The following ARHGAP44 variants were observed in gnomAD, a reference collection of about 807,000 sequenced individuals.
ARHGAP44 encodes Rho GTPase activating protein 44.
Under a neutral mutation model 106.8 loss-of-function variants are expected in ARHGAP44, and 43 were observed. That is an observed-to-expected ratio of 0.40 (90% CI 0.32 to 0.52). The LOEUF is 0.52. Among genes scored for constraint, ARHGAP44 ranks in the 20% least tolerant of loss-of-function variants. The probability of loss-of-function intolerance (pLI) is 0.48; values close to 1 mark genes in which losing one functional copy is unlikely to be tolerated. For missense variants in ARHGAP44, 866 were observed against 1,050.5 expected (o/e 0.82, Z 2.43); for synonymous variants, 439 against 410.3 (o/e 1.07, Z -0.85).
intron 8 of ARHGAP44, 104 bp downstream of exon 8, chr17:12,941,228 T>C (rs2038701027): frequency 1.9e-6 from 2 of 1,080,112 alleles, no homozygotes; most frequent in Admixed American, 4.5e-5. Flanking sequence ...TAGAAAAAGG[T>C]GGGAGCTTTG....
rs751813242 is a variant in ARHGAP44, at chr17:12,955,894, G to T, written c.1164G>T (p.Leu388=). Reference sequence around the variant, plus strand: ...ACTTGATAAAATTTTTATCCAAGCTGTCAGAATATCAAGATGTAAACAAGA... The same window carrying T: ...ACTTGATAAAATTTTTATCCAAGCTTTCAGAATATCAAGATGTAAACAAGA... The part of the protein sequence containing the change: ...IRYLIKFLSK[L]SEYQDVNKMT... The change falls in exon 14 of 21, where the codon CTG becomes CTT. Residue 388 remains leucine, a synonymous_variant. Coordinates refer to ENST00000379672, the MANE Select transcript of ARHGAP44 (RefSeq NM_014859.6). The T allele has an allele frequency of 1.2e-6, 2 of 1,613,448 alleles. No individual in the cohort carries two copies. Among genetic ancestry groups the T allele is most frequent in the Admixed American group, 3.3e-5 (2 of 59,952 alleles).
At chr17:12,904,252 G>T (rs1392374803) in intron 3 of ARHGAP44, among the ~76,000 whole-genome samples, 1 of 152,082 alleles carries the variant, frequency 6.6e-6, no homozygotes. Context: ...GATTACAGGT[G>T]CATGCCACCA....
At chr17:12,971,686 T>A (rs750089196) in intron 16 of ARHGAP44, among the ~76,000 whole-genome samples, 2 of 129,014 alleles carry the variant, frequency 1.6e-5, no homozygotes, top group Non-Finnish European at 3.6e-5. Flanking sequence ...ATAGGAAGTG[T>A]TTGTTTATTG....
chr17:12,984,937 T>C, intron 20 of ARHGAP44, 29 bp downstream of exon 20: 2 of 1,573,492 alleles, frequency 1.3e-6, no homozygotes, highest in Non-Finnish European at 1.7e-6. Context: ...CCCTCACTTT[T>C]TTTTATGAAC....
At chr17:12,920,549 A>G (rs996265338) in intron 6 of ARHGAP44, among the ~76,000 whole-genome samples, 7 of 152,120 alleles carry the variant, frequency 4.6e-5, no homozygotes, top group Non-Finnish European at 8.8e-5. Context: ...CAAAGCATCT[A>G]TGGCAGAGGG....
At chr17:12,804,145 G>C (rs1400209577) in intron 1 of ARHGAP44, among the ~76,000 whole-genome samples, 2 of 152,258 alleles carry the variant, frequency 1.3e-5, no homozygotes, top group East Asian at 3.9e-4. Flanking sequence ...CAAAATACAG[G>C]TGTTTGCAGC....
At chr17:12,956,543 TG>T in intron 14 of ARHGAP44, 111 bp from the exon 15 acceptor site, 1 of 803,072 alleles carries the variant, frequency 1.2e-6, no homozygotes. Flanking sequence ...CCTCTGTCTG[TG>T]GGGTTCCAGT....
Position 12,974,180 on chromosome 17 carries a change from C to A in ARHGAP44, c.1633C>A (p.Pro545Thr), listed in dbSNP as rs942093937. ...KVSCAPPSMQ[P>T]PAPPAELAAP... Reference sequence around the variant, plus strand: ...GTCCTGCGCCCCGCCCTCCATGCAGCCTCCCGCCCCGCCCGCCGAGCTGGC... The same window carrying A: ...GTCCTGCGCCCCGCCCTCCATGCAGACTCCCGCCCCGCCCGCCGAGCTGGC... The change falls in exon 18 of 21, where the codon CCT becomes ACT. Residue 545 changes from proline (P) to threonine (T), a missense_variant. This residue lies in a region of ARHGAP44 where 418 missense variants were observed against 403.6 expected (regional missense o/e 1.04). Transcript: ENST00000379672. 5.2e-6 allele frequency: 8 copies of A among 1,549,096 alleles called. No individual in the cohort carries two copies. Among genetic ancestry groups the A allele is most frequent in the Non-Finnish European group, 7.0e-6 (8 of 1,146,956 alleles).
At chr17:12,987,038 T>TTTTGA in intron 20 of ARHGAP44, 2 of 1,191,250 alleles carry the variant, frequency 1.7e-6, no homozygotes, top group Non-Finnish European at 1.1e-6. Flanking sequence ...TTTTTTTTTT[T>TTTTGA]GTGACGTTCA....
chr17:12,963,072 C>CAAAAAAA (rs2039304250), intron 16 of ARHGAP44, among the ~76,000 whole-genome samples: 2 of 118,528 alleles, frequency 1.7e-5, no homozygotes, highest in Admixed American at 8.7e-5. Flanking sequence ...AAAAAAAAAG[C>CAAAAAAA]AATTTCTGTT....
intron 1 of ARHGAP44, among the ~76,000 whole-genome samples, chr17:12,798,702 A>AT (rs68131682): frequency 2.0e-5 from 3 of 151,704 alleles, no homozygotes; most frequent in Admixed American, 6.6e-5. Context: ...AAAGCATTTG[A>AT]TTTTTTTCCC....
At chr17:12,919,194 C>G (rs1431033698) in intron 5 of ARHGAP44, among the ~76,000 whole-genome samples, 1 of 152,214 alleles carries the variant, frequency 6.6e-6, no homozygotes, top group African/African-American at 2.4e-5. Flanking sequence ...TGTTAATTAG[C>G]CTGAGTGTAG....
Position 12,976,514 on chromosome 17 carries a change from G to A in ARHGAP44, c.1763+2204G>A, listed in dbSNP as rs566479724. ...TATAGTCCCAGCTACTCAGGAGGCT[G>A]AGGCAGGAGAATCGCTTGAACCCAG... On this transcript the variant is annotated intron_variant, in intron 18 of 20. Transcript: ENST00000379672. Among the ~76,000 whole-genome samples the A allele has an allele frequency of 8.6e-5, 13 of 151,180 alleles. No individual in the cohort carries two copies. The East Asian group carries it at 2.2e-3, about 25-fold the overall frequency.
At chr17:12,890,013 G>A (rs1046138841) in intron 1 of ARHGAP44, among the ~76,000 whole-genome samples, 1 of 152,148 alleles carries the variant, frequency 6.6e-6, no homozygotes, top group Non-Finnish European at 1.5e-5. Flanking sequence ...CAAAGCCTTG[G>A]GCAGTCCTGT....
At chr17:12,820,319 A>G (rs2034729984) in intron 1 of ARHGAP44, among the ~76,000 whole-genome samples, 1 of 152,128 alleles carries the variant, frequency 6.6e-6, no homozygotes, top group African/African-American at 2.4e-5. Flanking sequence ...TATAATACCC[A>G]TATTTTAAAT....
intron 1 of ARHGAP44, among the ~76,000 whole-genome samples, chr17:12,810,502 A>G (rs2034405885): frequency 6.6e-6 from 1 of 152,202 alleles, no homozygotes; most frequent in African/African-American, 2.4e-5. Context: ...GCTGGTCACC[A>G]GAAAGGACAA....
Position 12,922,723 on chromosome 17 carries a change from C to T in ARHGAP44, c.464+2892C>T, listed in dbSNP as rs139248911. 5.2e-3 allele frequency among the ~76,000 whole-genome samples: 781 copies of T among 149,068 alleles called. 3 individuals carry two copies. Among genetic ancestry groups the T allele is most frequent in the Non-Finnish European group, 9.3e-3 (622 of 67,010 alleles). On this transcript the variant is annotated intron_variant, in intron 6 of 20. Transcript: ENST00000379672. ...GGTCCGTTCTCCTGCCTCAGCCTCC[C>T]GAGTAGCTGGGATTACAGGCACCTG...
intron 16 of ARHGAP44, among the ~76,000 whole-genome samples, chr17:12,972,267 A>G (rs1050298206): frequency 2.0e-5 from 3 of 152,182 alleles, no homozygotes; most frequent in Non-Finnish European, 4.4e-5. Flanking sequence ...CAATGAGTCA[A>G]TGAAACCTTG....
In ARHGAP44 at chr17:12,989,172, A is replaced by C. The variant is rs73296509; in HGVS notation, c.2318-860A>C. ...ACAGCATGACGAGAGTAAAGGACCC[A>C]GGGGATCTGTGGTTTTCTGGCTCTC... On this transcript the variant is annotated intron_variant, in intron 20 of 20. Coordinates refer to ENST00000379672, the MANE Select transcript of ARHGAP44 (RefSeq NM_014859.6). 5.4e-3 allele frequency among the ~76,000 whole-genome samples: 796 copies of C among 147,754 alleles called. 6 individuals carry two copies. The highest frequency in any genetic ancestry group is 0.018 in the African/African-American group (742 of 40,386).
Sources: gnomAD v4.1 joint callset for allele counts (sites outside exome capture counted in the v4.1 genomes callset) on GRCh38, gnomAD v4.1.1 for gene constraint, gnomAD v4.1.1 regional missense constraint, MANE v1.5 for transcripts, NCBI Gene and HGNC (gene_info 2026-07-23, HGNC 2026-07-21) for gene names.